The following NTRK3 variants were observed in gnomAD, a reference collection of about 807,000 sequenced individuals.
NTRK3 encodes neurotrophic receptor tyrosine kinase 3, also known as NT-3 growth factor receptor.
Under a neutral mutation model 91.7 loss-of-function variants are expected in NTRK3, and 24 were observed. The observed-to-expected ratio is 0.26, with a 90% CI of 0.19 to 0.37. The LOEUF is 0.37. NTRK3 is among the 10% of genes least tolerant of loss of function. NTRK3 has a pLI of 1.00. For synonymous variants in NTRK3, 483 were observed against 404.0 expected (o/e 1.20, Z -2.34); for missense variants, 880 against 1,068.9 (o/e 0.82, Z 2.46).
Position 88,243,400 on chromosome 15 carries a change from G to C in NTRK3, c.248+12506C>G, listed in dbSNP as rs1301251000. Among the ~76,000 whole-genome samples, 1 of 152,094 alleles carries C rather than the reference G, an allele frequency of 6.6e-6. No individual in the cohort carries two copies. Among genetic ancestry groups the C allele is most frequent in the East Asian group, 1.9e-4 (1 of 5,186 alleles). On this transcript the variant is annotated intron_variant, in intron 3 of 18. Transcript: ENST00000394480. This position sits in a 1 kb window ranked among gnomAD's most constrained non-coding sequence, Gnocchi z 4.8. ...AGAAATGAAGAGGCTGCAAGGATGA[G>C]AGCCAGGGTCACCCCAAACCAGCCT...
chr15:88,059,157 G>C (rs1054249286), intron 13 of NTRK3, among the ~76,000 whole-genome samples: 50 of 152,196 alleles, frequency 3.3e-4, no homozygotes, highest in African/African-American at 1.2e-3. Context: ...CAGAGGGCAG[G>C]AAAGGGGCTT....
At chr15:87,902,478 G>A (rs2066512294) in intron 17 of NTRK3, among the ~76,000 whole-genome samples, 2 of 152,162 alleles carry the variant, frequency 1.3e-5, no homozygotes, top group Admixed American at 1.3e-4. Context: ...CTTTCTCTAA[G>A]ATCATGGTCT....
At chr15:88,042,613 A>C (rs1008963516) in intron 13 of NTRK3, among the ~76,000 whole-genome samples, 2 of 152,222 alleles carry the variant, frequency 1.3e-5, no homozygotes, top group African/African-American at 4.8e-5. Context: ...GGCGTTGTTC[A>C]TGCCTCGCAG....
At chr15:87,928,084 A>C (rs1362639112) in intron 17 of NTRK3, 1 of 152,296 alleles carries the variant, frequency 6.6e-6, no homozygotes, top group African/African-American at 2.4e-5. Flanking sequence ...GGTTCAAGAA[A>C]TTCTCCTGCT....
intron 10 of NTRK3, 105 bp from the exon 11 acceptor site, chr15:88,128,839 C>A: frequency 9.7e-7 from 1 of 1,032,578 alleles, no homozygotes. Flanking sequence ...CCATGATTCC[C>A]TGTTCTCATG....
chr15:88,029,950 G>C (rs2078378477), intron 14 of NTRK3, among the ~76,000 whole-genome samples: 1 of 152,188 alleles, frequency 6.6e-6, no homozygotes, highest in African/African-American at 2.4e-5. Context: ...GATTAGCAGA[G>C]GGAGGATTAG....
At chr15:87,955,007 T>C (rs2071515814) in intron 14 of NTRK3, among the ~76,000 whole-genome samples, 1 of 152,240 alleles carries the variant, frequency 6.6e-6, no homozygotes, top group Non-Finnish European at 1.5e-5. Flanking sequence ...ACTAGCTATG[T>C]GACACCAGAC....
chr15:88,247,719 G>A (rs919366533), intron 3 of NTRK3, among the ~76,000 whole-genome samples: 1 of 152,152 alleles, frequency 6.6e-6, no homozygotes, highest in African/African-American at 2.4e-5. Context: ...AGCAAACGTG[G>A]AAAATGCACC....
chr15:87,992,209 T>C (rs985853308), intron 14 of NTRK3, among the ~76,000 whole-genome samples: 4 of 152,196 alleles, frequency 2.6e-5, no homozygotes, highest in African/African-American at 4.8e-5. Flanking sequence ...CATCCTGATA[T>C]TGACATACTC....
intron 10 of NTRK3, 64 bp from the exon 11 acceptor site, chr15:88,128,798 T>G (rs1237986905): frequency 7.1e-6 from 10 of 1,416,734 alleles, no homozygotes; most frequent in Non-Finnish European, 9.0e-6. Flanking sequence ...ACACACTACT[T>G]GGTCCTAATA....
intron 17 of NTRK3, among the ~76,000 whole-genome samples, chr15:87,913,252 A>T (rs2067224817): frequency 6.6e-6 from 1 of 152,070 alleles, no homozygotes; most frequent in African/African-American, 2.4e-5. Flanking sequence ...GCCCCAGTAA[A>T]GCAGATCCGC....
At chr15:87,950,332 C>T (rs1691890496) in intron 14 of NTRK3, among the ~76,000 whole-genome samples, 1 of 152,184 alleles carries the variant, frequency 6.6e-6, no homozygotes, top group Non-Finnish European at 1.5e-5. Flanking sequence ...GCAGGACACA[C>T]CATTGACCTT....
At position 88,026,263 on chromosome 15, in the gene NTRK3, T is replaced by C. The variant is rs536934262; in HGVS notation, c.1585+6594A>G. 8.0e-4 allele frequency among the ~76,000 whole-genome samples: 122 copies of C among 151,892 alleles called. 1 individual carries two copies. Among genetic ancestry groups the C allele is most frequent in the African/African-American group, 2.9e-3 (121 of 41,384 alleles). ...TCCAGCCTGGGCGACAGAGTGAAAC[T>C]CCGTTTCAAAATAAATAAATAAGTA... On this transcript the variant is annotated intron_variant, in intron 14 of 18. Transcript: ENST00000394480.
At chr15:88,084,133 G>A (rs1205717540) in intron 13 of NTRK3, among the ~76,000 whole-genome samples, 4 of 144,786 alleles carry the variant, frequency 2.8e-5, no homozygotes, top group African/African-American at 1.0e-4. Context: ...TTTTTTCTTC[G>A]AAACAGGAAA....
chr15:88,205,018 A>G (rs1401448627), intron 3 of NTRK3, among the ~76,000 whole-genome samples: 1 of 152,226 alleles, frequency 6.6e-6, no homozygotes, highest in East Asian at 1.9e-4. Context: ...AATATCCCAC[A>G]TCAGTCCTGC....
chr15:88,112,621 C>T (rs1312136467), intron 13 of NTRK3, among the ~76,000 whole-genome samples: 1 of 152,216 alleles, frequency 6.6e-6, no homozygotes, highest in Admixed American at 6.5e-5. Context: ...ATGTTTAACA[C>T]TGGCCATGTG....
intron 14 of NTRK3, among the ~76,000 whole-genome samples, chr15:87,982,427 C>T (rs1596517140): frequency 6.6e-6 from 1 of 152,328 alleles, no homozygotes; most frequent in Non-Finnish European, 1.5e-5. Flanking sequence ...GAAGGCCTTA[C>T]CCACCAGGGG....
At chr15:87,874,879 A>G in exon 19 of NTRK3, 1 of 232,102 alleles carries the variant, frequency 4.3e-6, no homozygotes. Context: ...GCTTTCCTGC[A>G]AAGTCCTCAG....
chr15:87,877,142 G>A (rs371983616), intron 18 of NTRK3, 22 bp from the exon 20 acceptor site: 12 of 1,612,808 alleles, frequency 7.4e-6, no homozygotes, highest in Non-Finnish European at 1.0e-5. Flanking sequence ...AGAAGAACAA[G>A]GAAGTTACAC....
Sources: gnomAD v4.1 joint callset for allele counts (sites outside exome capture counted in the v4.1 genomes callset) on GRCh38, gnomAD v4.1.1 for gene constraint, Gnocchi (gnomAD v3.1) non-coding constraint, MANE v1.5 for transcripts, NCBI Gene and HGNC (gene_info 2026-07-23, HGNC 2026-07-21) for gene names.